FRMD6: variants seen among roughly 807,000 people sequenced by gnomAD.
The protein encoded by FRMD6 is FERM domain-containing protein 6.
FRMD6 carries 37 observed loss-of-function variants against 73.2 expected under a neutral mutation model. The ratio of observed to expected loss-of-function variants is 0.51; its 90% CI spans 0.39 to 0.66. The LOEUF (loss-of-function observed/expected upper bound fraction) is 0.66, where lower values mean the gene tolerates loss of function less well. Among genes scored for constraint, FRMD6 ranks in the 30% least tolerant of loss-of-function variants. The pLI is 0.00. For missense variants in FRMD6, 714 were observed against 780.5 expected (o/e 0.91, Z 1.02); for synonymous variants, 273 against 282.2 (o/e 0.97, Z 0.33).
At chr14:51,425,337 A>T in the FRMD6 span, among the ~76,000 whole-genome samples, 1 of 151,986 alleles carries the variant, frequency 6.6e-6, no homozygotes, top group Non-Finnish European at 1.5e-5. Context: ...CCCAGGACTG[A>T]CCCTGCACGC....
rs35356416 is a variant in FRMD6, at chr14:51,549,595, CTTTTTTTTT to C, written c.-209-20741_-209-20733del. ...TGGAGTATAAACTTTTTTTTTCTTT[CTTTTTTTTT>C]TTTTTTTTTTTGAGACAGAGTCTCG... On this transcript the variant is annotated intron_variant, in intron 1 of 14. Transcript: ENST00000356218. Among the ~76,000 whole-genome samples the C allele has an allele frequency of 7.2e-3, 702 of 98,024 alleles. 9 individuals carry two copies. Among genetic ancestry groups the C allele is most frequent in the Non-Finnish European group, 0.01 (549 of 53,386 alleles). The allele number at this position is 98,024 out of a possible 152,430, so 64.3% of individuals were successfully genotyped here.
the FRMD6 span, among the ~76,000 whole-genome samples, chr14:51,450,642 A>T: frequency 2.0e-5 from 3 of 152,182 alleles, no homozygotes; most frequent in African/African-American, 7.2e-5. Context: ...TAGTTTTCTC[A>T]AGAGAATCTA....
At chr14:51,545,580 C>T (rs1886425333) in intron 1 of FRMD6, among the ~76,000 whole-genome samples, 1 of 152,020 alleles carries the variant, frequency 6.6e-6, no homozygotes, top group Non-Finnish European at 1.5e-5. Context: ...AATCTGGCTT[C>T]CCTCTCATCC....
chr14:51,715,233 C>T (rs1897173780), intron 9 of FRMD6, 92 bp from the exon 10 acceptor site: 5 of 941,912 alleles, frequency 5.3e-6, no homozygotes, highest in Non-Finnish European at 7.7e-6. Context: ...ATTTCAGAAT[C>T]TATAATTTTC....
At chr14:51,498,941 G>T (rs919336999) in intron 1 of FRMD6, among the ~76,000 whole-genome samples, 2 of 152,140 alleles carry the variant, frequency 1.3e-5, no homozygotes, top group African/African-American at 2.4e-5. Flanking sequence ...TTTGCCCAAG[G>T]TCCCACAAAG....
At position 51,689,671 on chromosome 14, in the gene FRMD6, C is replaced by T. The variant is rs1445830892; in HGVS notation, c.-146-20C>T. ...CTTCACCGCCTTTCTTCAGGAGTCT[C>T]CCCTTTGGCTTTTTCACAGCTATGA... On this transcript the variant is annotated intron_variant, in intron 1 of 13. Transcript: ENST00000344768. 4.9e-6 allele frequency: 3 copies of T among 617,002 alleles called. No homozygotes were observed. Among genetic ancestry groups the T allele is most frequent in the South Asian group, 3.9e-5 (2 of 51,138 alleles). The allele number at this position is 617,002 out of a possible 1,614,324, so 38.2% of individuals were successfully genotyped here. A position where few individuals can be genotyped will look rare whatever the true frequency, so the allele number is the denominator to read the frequency against.
chr14:51,474,891 T>C, the FRMD6 span, among the ~76,000 whole-genome samples: 1 of 152,258 alleles, frequency 6.6e-6, no homozygotes, highest in African/African-American at 2.4e-5. Context: ...ATTTAGGTTC[T>C]ATTATCTGTT....
At chr14:51,441,056 T>C in the FRMD6 span, among the ~76,000 whole-genome samples, 1 of 152,364 alleles carries the variant, frequency 6.6e-6, no homozygotes, top group Non-Finnish European at 1.5e-5. Context: ...CTTCAGATAT[T>C]GCCAAATGCC....
the FRMD6 span, among the ~76,000 whole-genome samples, chr14:51,409,908 G>T: frequency 6.6e-6 from 1 of 152,186 alleles, no homozygotes; most frequent in Non-Finnish European, 1.5e-5. Context: ...ATGTTTCACA[G>T]TGCCATCTTA....
intron 2 of FRMD6, among the ~76,000 whole-genome samples, chr14:51,691,469 C>T (rs893321565): frequency 4.6e-5 from 7 of 151,804 alleles, no homozygotes; most frequent in Admixed American, 1.3e-4. Flanking sequence ...TATCAACTTT[C>T]ATACTGTTTC....
chr14:51,652,402 C>T (rs1892483388), intron 1 of FRMD6, among the ~76,000 whole-genome samples: 2 of 152,206 alleles, frequency 1.3e-5, no homozygotes, highest in Non-Finnish European at 2.9e-5. Context: ...TGGTTCTCTG[C>T]ATCGCGGAGG....
intron 1 of FRMD6, among the ~76,000 whole-genome samples, chr14:51,669,478 T>C (rs993727074): frequency 6.6e-6 from 1 of 152,234 alleles, no homozygotes; most frequent in East Asian, 1.9e-4. Context: ...CCACCAGCCA[T>C]GTCTGAGAGT....
At chr14:51,667,703 C>A (rs1167794491) in intron 1 of FRMD6, among the ~76,000 whole-genome samples, 3 of 151,886 alleles carry the variant, frequency 2.0e-5, no homozygotes, top group Non-Finnish European at 4.4e-5. Flanking sequence ...TTCAAAGAAA[C>A]CCAAGATTTT....
intron 1 of FRMD6, among the ~76,000 whole-genome samples, chr14:51,539,444 A>G (rs1248728389): frequency 6.6e-6 from 1 of 152,194 alleles, no homozygotes; most frequent in Non-Finnish European, 1.5e-5. Flanking sequence ...CAACATCTAC[A>G]TAGTGCCTGA....
At chr14:51,514,491 T>C (rs1471340123) in intron 1 of FRMD6, among the ~76,000 whole-genome samples, 1 of 152,088 alleles carries the variant, frequency 6.6e-6, no homozygotes, top group East Asian at 1.9e-4. Flanking sequence ...TCTGCACATG[T>C]ATCCCAGAAC....
chr14:51,602,452 A>T (rs1228262015), intron 2 of FRMD6, among the ~76,000 whole-genome samples: 1 of 152,232 alleles, frequency 6.6e-6, no homozygotes, highest in Non-Finnish European at 1.5e-5. Context: ...TAGTTTTCAC[A>T]TTTCTAAATG....
chr14:51,450,776 T>C, the FRMD6 span, among the ~76,000 whole-genome samples: 139,779 of 152,264 alleles, frequency 0.92, 64,396 homozygotes, highest in African/African-American at 0.95. Flanking sequence ...TGGCCATCAG[T>C]TTGCACCTCA....
the FRMD6 span, among the ~76,000 whole-genome samples, chr14:51,469,952 C>A: frequency 6.6e-6 from 1 of 151,416 alleles, no homozygotes; most frequent in Non-Finnish European, 1.5e-5. Context: ...GACTCCGTCT[C>A]AAAAAAAAGA....
the FRMD6 span, among the ~76,000 whole-genome samples, chr14:51,458,456 G>C: frequency 6.6e-6 from 1 of 152,042 alleles, no homozygotes; most frequent in Non-Finnish European, 1.5e-5. Context: ...TATCTCCAAG[G>C]GTTTTTGTTG....
Sources: allele counts gnomAD v4.1 joint callset (sites outside exome capture counted in the v4.1 genomes callset), GRCh38; gene constraint gnomAD v4.1.1; transcripts MANE v1.5; gene names NCBI Gene and HGNC (gene_info 2026-07-23, HGNC 2026-07-21).